KDM2B: variants seen among roughly 807,000 people sequenced by gnomAD.
KDM2B encodes the protein lysine-specific demethylase 2B.
Under a neutral mutation model 150.0 loss-of-function variants are expected in KDM2B, and 26 were observed. The ratio of observed to expected loss-of-function variants is 0.17; its 90% CI spans 0.13 to 0.24. The LOEUF (loss-of-function observed/expected upper bound fraction) is 0.24. Among genes scored for constraint, KDM2B ranks in the 10% least tolerant of loss-of-function variants. KDM2B has a pLI of 1.00. For missense variants in KDM2B, 1,265 were observed against 1,816.9 expected (o/e 0.70, Z 5.52); for synonymous variants, 734 against 729.5 (o/e 1.01, Z -0.10).
chr12:121,445,461 A>C, intron 13 of KDM2B, 43 bp from the exon 14 acceptor site: 1 of 1,539,336 alleles, frequency 6.5e-7, no homozygotes. Context: ...AGGGGTGGGG[A>C]GCACGGACCC....
the KDM2B span, among the ~76,000 whole-genome samples, chr12:121,414,503 A>G: frequency 6.6e-6 from 1 of 152,204 alleles, no homozygotes; most frequent in Non-Finnish European, 1.5e-5. Context: ...GCTCAAAGAG[A>G]GGGAAGAGAC....
At chr12:121,523,548 C>T (rs1299862941) in intron 8 of KDM2B, among the ~76,000 whole-genome samples, 2 of 152,244 alleles carry the variant, frequency 1.3e-5, no homozygotes, top group Non-Finnish European at 2.9e-5. Flanking sequence ...CAATGAAACA[C>T]GCCAGCCCTG....
intron 6 of KDM2B, among the ~76,000 whole-genome samples, chr12:121,544,379 G>A (rs1432950619): frequency 1.3e-5 from 2 of 152,200 alleles, no homozygotes; most frequent in Non-Finnish European, 2.9e-5. Context: ...GGGAAGCCAA[G>A]GCAGGTGATC....
At chr12:121,574,423 T>C in intron 4 of KDM2B, 124 bp downstream of exon 4, 1 of 855,074 alleles carries the variant, frequency 1.2e-6, no homozygotes. Context: ...CACCTGCTCC[T>C]GCCTTCTCCC....
intron 12 of KDM2B, among the ~76,000 whole-genome samples, chr12:121,479,194 A>T (rs992376741): frequency 4.6e-5 from 7 of 151,948 alleles, no homozygotes; most frequent in Non-Finnish European, 1.0e-4. Context: ...TCAGGCCTGT[A>T]ATCCCAGCAC....
At chr12:121,580,016 A>G in intron 1 of KDM2B, 1 of 1,555,608 alleles carries the variant, frequency 6.4e-7, no homozygotes, top group Non-Finnish European at 8.6e-7. Flanking sequence ...AAAAAGCTAC[A>G]CACCAATCTT....
chr12:121,542,626 C>T (rs1555309946), intron 6 of KDM2B, among the ~76,000 whole-genome samples: 1 of 152,110 alleles, frequency 6.6e-6, no homozygotes, highest in African/African-American at 2.4e-5. Flanking sequence ...AGGAATACTC[C>T]CAAATAACAG....
downstream of KDM2B, among the ~76,000 whole-genome samples, chr12:121,427,718 G>A (rs1872577561): frequency 7.5e-6 from 1 of 132,640 alleles, no homozygotes; most frequent in Non-Finnish European, 1.7e-5. Flanking sequence ...TGGTGGCTTG[G>A]ATCCCCAGCC....
chr12:121,441,336 CCTT>C (rs1555288237), intron 19 of KDM2B, 103 bp from the exon 20 acceptor site: 2 of 1,174,354 alleles, frequency 1.7e-6, no homozygotes, highest in Admixed American at 4.5e-5. Context: ...CTGGGAGGCT[CCTT>C]AACTCAGCGC....
intron 4 of KDM2B, among the ~76,000 whole-genome samples, chr12:121,572,107 C>T (rs73407678): frequency 3.9e-5 from 6 of 152,004 alleles, no homozygotes; most frequent in African/African-American, 1.2e-4. Context: ...CTAAGGTGGG[C>T]GGATCGCTTA....
Position 121,545,662 on chromosome 12 carries a change from C to A in KDM2B, c.683+3215G>T, listed in dbSNP as rs77076597. Among the ~76,000 whole-genome samples, 59 of 152,290 alleles carry A rather than the reference C, an allele frequency of 3.9e-4. 1 individual carries two copies. The East Asian group carries it at 0.011, about 28-fold the overall frequency. ...CGTCACTCCCAATTCCACACCATGC[C>A]GTGGCCTCCTCATGTTCACGTGCCC... On this transcript the variant is annotated intron_variant, in intron 6 of 22. Coordinates refer to ENST00000377071, the MANE Select transcript of KDM2B (RefSeq NM_032590.5).
chr12:121,437,862 A>T (rs541374337), intron 22 of KDM2B, among the ~76,000 whole-genome samples: 2 of 151,880 alleles, frequency 1.3e-5, no homozygotes, highest in East Asian at 3.9e-4. Context: ...CCAGTAACTC[A>T]ACTGGTTACA....
chr12:121,425,113 C>T (rs1872448642), downstream of KDM2B, among the ~76,000 whole-genome samples: 1 of 151,986 alleles, frequency 6.6e-6, no homozygotes, highest in African/African-American at 2.4e-5. Context: ...AGTTCGAGAC[C>T]AGCCTGGTCA....
chr12:121,545,552 T>G (rs954512525), intron 6 of KDM2B, among the ~76,000 whole-genome samples: 4 of 152,102 alleles, frequency 2.6e-5, no homozygotes. Flanking sequence ...ATTATGAAAC[T>G]GAAATCTGTG....
At chr12:121,443,878 C>T in intron 16 of KDM2B, 85 bp from the exon 17 acceptor site, 1 of 1,405,802 alleles carries the variant, frequency 7.1e-7, no homozygotes, top group East Asian at 2.3e-5. Flanking sequence ...ACTTAGGTGA[C>T]CTGCTCAGGG....
rs186742422 is a variant in KDM2B at position 121,463,873 on chromosome 12, C to G, written c.1735-10529G>C. 2.5e-3 allele frequency among the ~76,000 whole-genome samples: 379 copies of G among 152,234 alleles called. 1 individual carries two copies. Among genetic ancestry groups the G allele is most frequent in the African/African-American group, 8.7e-3 (363 of 41,528 alleles). On this transcript the variant is annotated intron_variant, in intron 12 of 22. Transcript: ENST00000377071. Reference sequence around the variant, plus strand: ...GGGATAACCGGCATGAGCCACTGTACCCAGCCTGTAGTCATTTTTATAGAA... The same window carrying G: ...GGGATAACCGGCATGAGCCACTGTAGCCAGCCTGTAGTCATTTTTATAGAA...
chr12:121,499,164 G>A (rs143657697), intron 11 of KDM2B, among the ~76,000 whole-genome samples: 2,414 of 144,946 alleles, frequency 0.017, 62 homozygotes, highest in African/African-American at 0.059. Context: ...AGGCTAGAGT[G>A]CAGTGGCACA....
intron 6 of KDM2B, among the ~76,000 whole-genome samples, chr12:121,543,796 G>A (rs782561377): frequency 3.3e-5 from 5 of 151,176 alleles, no homozygotes; most frequent in Non-Finnish European, 5.9e-5. Context: ...CCAGCCTGGC[G>A]ACAGAGTGAG....
intron 12 of KDM2B, among the ~76,000 whole-genome samples, chr12:121,492,009 C>T (rs1883422734): frequency 6.6e-6 from 1 of 151,690 alleles, no homozygotes; most frequent in Non-Finnish European, 1.5e-5. Flanking sequence ...CTACAAAAAA[C>T]TAGCCAGGCG....
Sources: gnomAD v4.1 joint callset for allele counts (sites outside exome capture counted in the v4.1 genomes callset) on GRCh38, gnomAD v4.1.1 for gene constraint, MANE v1.5 for transcripts, NCBI Gene and HGNC (gene_info 2026-07-23, HGNC 2026-07-21) for gene names.